Variants in CUX1 observed in about 807,000 individuals in gnomAD.
CUX1 encodes protein CASP.
Under a neutral mutation model 158.8 loss-of-function variants are expected in CUX1, and 31 were observed. That is an observed-to-expected ratio of 0.20 (90% CI 0.15 to 0.26). CUX1 has a LOEUF of 0.26. Among genes scored for constraint, CUX1 ranks in the 10% least tolerant of loss-of-function variants. The pLI, the probability that CUX1 is intolerant of heterozygous loss-of-function variation, is 1.00. For missense variants in CUX1, 1,589 were observed against 2,014.6 expected, an observed-to-expected ratio of 0.79 and a Z score of 4.04; for synonymous variants, 879 against 862.1, an observed-to-expected ratio of 1.02 and a Z score of -0.34.
intron 4 of CUX1, among the ~76,000 whole-genome samples, chr7:102,084,631 G>C (rs1388617445): frequency 6.9e-6 from 1 of 144,068 alleles, no homozygotes; most frequent in African/African-American, 2.5e-5. Flanking sequence ...CAGCATCTTG[G>C]CCAGGCTGGT....
intron 4 of CUX1, among the ~76,000 whole-genome samples, chr7:102,071,559 C>G (rs781568406): frequency 1.3e-5 from 2 of 152,200 alleles, no homozygotes; most frequent in Non-Finnish European, 1.5e-5. Context: ...CCTCCCCTCC[C>G]CACCCATTAC....
chr7:102,162,742 C>T (rs1056598598), intron 9 of CUX1, among the ~76,000 whole-genome samples: 6 of 152,178 alleles, frequency 3.9e-5, no homozygotes, highest in Admixed American at 6.5e-5. Flanking sequence ...TCTTGAACTC[C>T]TGGGCTCAAA....
At chr7:101,854,020 C>T (rs958815424) in intron 1 of CUX1, among the ~76,000 whole-genome samples, 9 of 152,280 alleles carry the variant, frequency 5.9e-5, no homozygotes, top group Non-Finnish European at 1.2e-4. Context: ...AAGGCGGCTT[C>T]GGCTTTCCAG....
chr7:102,174,163 AG>A (rs1792036887), intron 10 of CUX1, among the ~76,000 whole-genome samples: 1 of 152,136 alleles, frequency 6.6e-6, no homozygotes, highest in Non-Finnish European at 1.5e-5. Context: ...TCTGTCACCC[AG>A]GGTGGAGTGC....
rs192842986 is a variant in CUX1 at position 101,996,945 on chromosome 7, C to G, written c.142-31153C>G. On this transcript the variant is annotated intron_variant, in intron 2 of 23. Coordinates refer to ENST00000292535, the MANE Select transcript of CUX1 (RefSeq NM_181552.4). ...AGGAAATTCCGGCACAGTCTCCTCA[C>G]AGGGCAGCCCTTCTGGGAATCGCTC... Among the ~76,000 whole-genome samples, 74 of 148,196 alleles carry G rather than the reference C, an allele frequency of 5.0e-4. 1 individual carries two copies. The highest frequency in any genetic ancestry group is 1.9e-3 in the African/African-American group (71 of 37,716).
At chr7:101,988,233 T>C (rs1456704863) in intron 2 of CUX1, among the ~76,000 whole-genome samples, 1 of 149,678 alleles carries the variant, frequency 6.7e-6, no homozygotes, top group African/African-American at 2.4e-5. Context: ...AAGAAGAAGC[T>C]GTTCTCCGTG....
intron 2 of CUX1, among the ~76,000 whole-genome samples, chr7:101,926,340 A>G (rs1805588832): frequency 6.6e-6 from 1 of 152,126 alleles, no homozygotes; most frequent in South Asian, 2.1e-4. Context: ...TCTAGGGGAG[A>G]AGAGGTGCCT....
chr7:102,088,446 A>C (rs1405628493), intron 4 of CUX1, among the ~76,000 whole-genome samples: 1 of 152,116 alleles, frequency 6.6e-6, no homozygotes, highest in East Asian at 1.9e-4. Context: ...CAGCCTGGCC[A>C]ATATGGTTAA....
intron 20 of CUX1, among the ~76,000 whole-genome samples, chr7:102,215,328 A>C (rs1430087482): frequency 6.8e-6 from 1 of 147,114 alleles, no homozygotes; most frequent in Non-Finnish European, 1.5e-5. Context: ...GGGGCAGCAG[A>C]AAGATGTTAT....
rs1554541960 is a variant in CUX1 at position 102,256,233 on chromosome 7, A to C, written c.*7191A>C. 5.1e-6 allele frequency: 5 copies of C among 985,238 alleles called. No individual in the cohort carries two copies. Among genetic ancestry groups the C allele is most frequent in the Non-Finnish European group, 6.0e-6 (5 of 829,938 alleles). 61.0% of individuals were successfully genotyped at this position (985,238 alleles called of 1,614,324 possible). ...GCCACAGCCATCCCTTCCAGCACTT[A>C]ATCTTGTCTTGTTGAAATGGACTGA... On this transcript the variant is annotated 3_prime_UTR_variant, in exon 24 of 24. Transcript: ENST00000292535.
chr7:101,902,409 C>G (rs1224776982), intron 1 of CUX1, among the ~76,000 whole-genome samples: 2 of 152,172 alleles, frequency 1.3e-5, no homozygotes, highest in African/African-American at 2.4e-5. Context: ...CCCGCCCCAG[C>G]AAATATAATT....
intron 1 of CUX1, among the ~76,000 whole-genome samples, chr7:101,881,104 A>G (rs1055382732): frequency 3.9e-5 from 6 of 152,254 alleles, no homozygotes; most frequent in African/African-American, 1.2e-4. Context: ...TTGAAACATC[A>G]GTAGGGAAGA....
At chr7:102,198,313 T>C (rs1554518931) in intron 15 of CUX1, among the ~76,000 whole-genome samples, 2 of 152,208 alleles carry the variant, frequency 1.3e-5, no homozygotes, top group Admixed American at 1.3e-4. Context: ...AGGGGATCAA[T>C]GTGCCACATC....
intron 8 of CUX1, among the ~76,000 whole-genome samples, chr7:102,150,957 A>ATTTATT (rs1554503410): frequency 3.3e-5 from 5 of 152,256 alleles, no homozygotes; most frequent in Non-Finnish European, 7.3e-5. Flanking sequence ...CTGAGCAAAC[A>ATTTATT]ATATGTGCGG....
rs1799302775 is a variant in CUX1, at chr7:102,234,256, C to G, written c.3622+16C>G. ...GAGAAGAAAGGTAAGTCTCCCTGCC[C>G]CGCCCGGGCCGGCTGCGTCCGCATT... On this transcript the variant is annotated intron_variant, in intron 22 of 23. Coordinates refer to ENST00000292535, the MANE Select transcript of CUX1 (RefSeq NM_181552.4). The G allele has an allele frequency of 2.0e-6, 3 of 1,506,884 alleles. No homozygotes were observed. The highest frequency in any genetic ancestry group is 2.7e-6 in the Non-Finnish European group (3 of 1,124,956). The allele number at this position is 1,506,884 out of a possible 1,614,324, so 93.3% of individuals were successfully genotyped here. A position where few individuals can be genotyped will look rare whatever the true frequency, so the allele number is the denominator to read the frequency against.
chr7:102,075,022 C>T (rs935369286), intron 4 of CUX1, among the ~76,000 whole-genome samples: 1 of 152,178 alleles, frequency 6.6e-6, no homozygotes, highest in African/African-American at 2.4e-5. Context: ...CCACACCTGG[C>T]TAATTTTTGT....
At chr7:101,841,983 A>G (rs1223086752) in intron 1 of CUX1, among the ~76,000 whole-genome samples, 2 of 152,120 alleles carry the variant, frequency 1.3e-5, no homozygotes, top group Non-Finnish European at 2.9e-5. Flanking sequence ...TAGTGCTTTC[A>G]TTTTTATTCA....
intron 10 of CUX1, among the ~76,000 whole-genome samples, chr7:102,175,651 G>A (rs1586051423): frequency 6.6e-6 from 1 of 151,948 alleles, no homozygotes; most frequent in Admixed American, 6.6e-5. Context: ...CTTCCGACAA[G>A]GTCCCGCCAG....
intron 6 of CUX1, among the ~76,000 whole-genome samples, chr7:102,108,057 G>A (rs1466613748): frequency 6.6e-6 from 1 of 152,214 alleles, no homozygotes; most frequent in Non-Finnish European, 1.5e-5. Flanking sequence ...TCACCAGTGA[G>A]TGATCAAGGG....
Sources: allele counts gnomAD v4.1 joint callset (sites outside exome capture counted in the v4.1 genomes callset), GRCh38; gene constraint gnomAD v4.1.1; transcripts MANE v1.5; gene names NCBI Gene and HGNC (gene_info 2026-07-23, HGNC 2026-07-21).